Variants in RNF130 observed in about 807,000 individuals in gnomAD.
The protein encoded by RNF130 is E3 ubiquitin-protein ligase RNF130.
Under a neutral mutation model 44.6 loss-of-function variants are expected in RNF130, and 21 were observed. That is an observed-to-expected ratio of 0.47 (90% CI 0.33 to 0.68). The LOEUF (loss-of-function observed/expected upper bound fraction) is 0.68, where lower values mean the gene tolerates loss of function less well. RNF130 is among the 30% of genes least tolerant of loss of function. RNF130 has a pLI of 0.02. For synonymous variants in RNF130, 214 were observed against 210.4 expected (o/e 1.02, Z -0.15); for missense variants, 479 against 560.6 (o/e 0.85, Z 1.47).
At chr5:180,051,287 T>C (rs62405023) in intron 1 of RNF130, among the ~76,000 whole-genome samples, 23,052 of 131,522 alleles carry the variant, frequency 0.18, 1,941 homozygotes, top group Admixed American at 0.22. Flanking sequence ...TCTCGATCTG[T>C]CACCCAGGCT....
chr5:179,959,220 A>C (rs761493423), intron 8 of RNF130, among the ~76,000 whole-genome samples: 1 of 152,122 alleles, frequency 6.6e-6, no homozygotes, highest in Non-Finnish European at 1.5e-5. Context: ...TCCTTCAAAC[A>C]CCTGGAAACA....
chr5:180,057,622 G>C (rs1037835235), intron 1 of RNF130, among the ~76,000 whole-genome samples: 3 of 152,026 alleles, frequency 2.0e-5, no homozygotes, highest in Non-Finnish European at 4.4e-5. Flanking sequence ...AGGTAGCTTT[G>C]GGCTAGGCGT....
chr5:180,011,903 T>C (rs1179651496), intron 3 of RNF130, among the ~76,000 whole-genome samples: 2 of 152,054 alleles, frequency 1.3e-5, no homozygotes, highest in African/African-American at 4.8e-5. Flanking sequence ...AAGTCTAAAA[T>C]TACAAATATA....
At chr5:179,946,906 G>A (rs898795608) in intron 7 of RNF130, among the ~76,000 whole-genome samples, 1 of 152,010 alleles carries the variant, frequency 6.6e-6, no homozygotes, top group Non-Finnish European at 1.5e-5. Context: ...CTTTAGCCTC[G>A]GGCTGATCTC....
intron 3 of RNF130, among the ~76,000 whole-genome samples, chr5:179,997,484 C>T (rs754987574): frequency 3.9e-5 from 6 of 152,204 alleles, no homozygotes; most frequent in Non-Finnish European, 5.9e-5. Flanking sequence ...CCACCACACC[C>T]GGCTAATTTA....
intron 1 of RNF130, among the ~76,000 whole-genome samples, chr5:180,069,329 T>C (rs1371347338): frequency 6.6e-6 from 1 of 152,132 alleles, no homozygotes; most frequent in Non-Finnish European, 1.5e-5. Flanking sequence ...TCAATTAATA[T>C]TTGCTGGACT....
At chr5:180,056,692 C>G (rs1764832210) in intron 1 of RNF130, among the ~76,000 whole-genome samples, 1 of 152,126 alleles carries the variant, frequency 6.6e-6, no homozygotes, top group African/African-American at 2.4e-5. Context: ...CAAATGTATT[C>G]CCAATAAAAT....
chr5:180,048,117 C>G (rs1013108729), intron 1 of RNF130, among the ~76,000 whole-genome samples: 2 of 152,052 alleles, frequency 1.3e-5, no homozygotes, highest in African/African-American at 4.8e-5. Context: ...ATAGACACAG[C>G]TAAATCAGGT....
At chr5:179,954,188 G>T (rs75878040), downstream of RNF130, among the ~76,000 whole-genome samples, 940 of 152,284 alleles carry the variant, frequency 6.2e-3, 14 homozygotes, top group African/African-American at 0.022. Context: ...CATTTTGGCA[G>T]CTTCTCAAGA....
In RNF130 at chr5:180,057,269, G is replaced by A. The variant is rs879280201; in HGVS notation, c.247+14187C>T. ...TTAAATCAATCATGTCTGTGTCGGG[G>A]TGGGCACAGTGGCTCACGCCTGTAA... On this transcript the variant is annotated intron_variant, in intron 1 of 8. Transcript: ENST00000521389. 2.0e-5 allele frequency among the ~76,000 whole-genome samples: 3 copies of A among 152,162 alleles called. No individual in the cohort carries two copies. The East Asian group carries it at 5.8e-4, about 29-fold the overall frequency.
intron 1 of RNF130, among the ~76,000 whole-genome samples, chr5:180,058,829 T>C (rs1378903820): frequency 1.3e-5 from 2 of 152,188 alleles, no homozygotes; most frequent in East Asian, 3.9e-4. Context: ...CCCAAAGTGC[T>C]GGGATTACAG....
intron 2 of RNF130, among the ~76,000 whole-genome samples, chr5:180,016,769 C>T (rs1286735791): frequency 6.6e-6 from 1 of 152,266 alleles, no homozygotes; most frequent in Admixed American, 6.5e-5. Context: ...TGTGAGAACA[C>T]TCATGGACCT....
At chr5:179,969,395 G>C (rs1190153333) in intron 6 of RNF130, among the ~76,000 whole-genome samples, 1 of 151,720 alleles carries the variant, frequency 6.6e-6, no homozygotes, top group Non-Finnish European at 1.5e-5. Flanking sequence ...CAAACTTCAG[G>C]CTAAAGAACA....
intron 7 of RNF130, among the ~76,000 whole-genome samples, chr5:179,948,147 T>TG (rs1443952822): frequency 6.6e-6 from 1 of 152,234 alleles, no homozygotes; most frequent in Non-Finnish European, 1.5e-5. Flanking sequence ...TTGAACCTTT[T>TG]GAACCATCAG....
At chr5:179,920,363 G>T (rs1451428577) in exon 8 of RNF130, 1 of 702,486 alleles carries the variant, frequency 1.4e-6, no homozygotes, top group Non-Finnish European at 2.6e-6. Context: ...TTCGATGGTG[G>T]AGAATTCACT....
At chr5:180,070,124 G>C (rs1489870631) in intron 1 of RNF130, among the ~76,000 whole-genome samples, 3 of 152,184 alleles carry the variant, frequency 2.0e-5, no homozygotes, top group African/African-American at 7.2e-5. Flanking sequence ...CTCTCCACCA[G>C]AAAAGAGGCT....
chr5:180,031,245 G>C (rs868364064), intron 2 of RNF130, among the ~76,000 whole-genome samples: 9 of 152,314 alleles, frequency 5.9e-5, no homozygotes, highest in Non-Finnish European at 7.4e-5. Flanking sequence ...CTAGCACTTT[G>C]GGAGGCTGAG....
At chr5:179,954,486 T>G (rs189348633), downstream of RNF130, among the ~76,000 whole-genome samples, 436 of 152,334 alleles carry the variant, frequency 2.9e-3, 4 homozygotes, top group African/African-American at 9.9e-3. Context: ...CCACATATTA[T>G]ATGGTTCTAT....
intron 1 of RNF130, among the ~76,000 whole-genome samples, chr5:180,045,531 T>C (rs549898383): frequency 1.1e-4 from 17 of 152,348 alleles, no homozygotes; most frequent in African/African-American, 3.6e-4. Flanking sequence ...AGTGGACCTC[T>C]GCACGTTGCC....
Sources: gnomAD v4.1 joint callset for allele counts (sites outside exome capture counted in the v4.1 genomes callset) on GRCh38, gnomAD v4.1.1 for gene constraint, MANE v1.5 for transcripts, NCBI Gene and HGNC (gene_info 2026-07-23, HGNC 2026-07-21) for gene names.